The following NAT10 variants were observed in gnomAD, a reference collection of about 807,000 sequenced individuals.
NAT10 encodes the protein RNA cytidine acetyltransferase.
NAT10 carries 109 observed loss-of-function variants against 132.2 expected under a neutral mutation model. The ratio of observed to expected loss-of-function variants is 0.82; its 90% CI spans 0.71 to 0.97. The LOEUF (loss-of-function observed/expected upper bound fraction) is 0.97, where lower values mean the gene tolerates loss of function less well. Among genes scored for constraint, NAT10 ranks in the 50% least tolerant of loss-of-function variants. The probability of loss-of-function intolerance (pLI) is 0.00; values close to 1 mark genes in which losing one functional copy is unlikely to be tolerated. For synonymous variants in NAT10, 479 were observed against 478.0 expected (o/e 1.00, Z -0.03); for missense variants, 1,184 against 1,263.4 (o/e 0.94, Z 0.95).
intron 8 of NAT10, among the ~76,000 whole-genome samples, chr11:34,121,302 G>T (rs1345533031): frequency 6.6e-6 from 1 of 152,130 alleles, no homozygotes; most frequent in African/African-American, 2.4e-5. Context: ...GGATAGGGTG[G>T]TGGCTTTGAG....
rs755163296 is a variant in NAT10 at position 34,139,291 on chromosome 11, A to G, written c.2308+4A>G. 1 of 1,613,508 alleles carries G rather than the reference A, an allele frequency of 6.2e-7. No individual in the cohort carries two copies. The highest frequency in any genetic ancestry group is 1.1e-5 in the South Asian group (1 of 91,062). On this transcript the variant is annotated splice_donor_region_variant and intron_variant, in intron 22 of 28. Transcript: ENST00000257829. ...TGGCTTGCAGCCTTCTGGAAAGGTGACTGAGGAGTAGGGGTTTGGGGGAGA... is the reference window on the plus strand; with the variant it reads ...TGGCTTGCAGCCTTCTGGAAAGGTGGCTGAGGAGTAGGGGTTTGGGGGAGA...
chr11:34,141,189 T>C lies in NAT10; in HGVS notation c.2693T>C (p.Ile898Thr). The C allele has an allele frequency of 1.2e-6, 2 of 1,614,032 alleles. No homozygotes were observed. Among genetic ancestry groups the C allele is most frequent in the Non-Finnish European group, 1.7e-6 (2 of 1,180,012 alleles). The change falls in exon 25 of 29, where the codon ATC (isoleucine) becomes ACC (threonine). Residue 898 changes from isoleucine to threonine, a missense_variant. Physicochemically the swap from Ile to Thr is moderately conservative, Grantham distance 89. Coordinates refer to ENST00000257829, the MANE Select transcript of NAT10 (RefSeq NM_024662.3). ...SGQLMGLFNRIIRKVVKLFNE... is the reference protein window; with the variant it reads ...SGQLMGLFNRTIRKVVKLFNE... ...CAGTTGATGGGACTTTTCAACCGGA[T>C]CATCCGCAAAGTTGTGAAGGTAACC... is the stretch of plus-strand genomic sequence containing the variant.
At chr11:34,112,453 A>G (rs1056304645) in intron 4 of NAT10, among the ~76,000 whole-genome samples, 6 of 152,270 alleles carry the variant, frequency 3.9e-5, no homozygotes, top group African/African-American at 1.4e-4. Context: ...CCAGAACTGA[A>G]GTGATGAGTT....
rs1440380558 is a variant in NAT10, at chr11:34,134,514, C to T, written c.1839C>T (p.Phe613=). The T allele has an allele frequency of 1.2e-6, 2 of 1,614,030 alleles. No homozygotes were observed. Among genetic ancestry groups the T allele is most frequent in the African/African-American group, 1.3e-5 (1 of 74,902 alleles). ...ACTGGTTTGTGTCTCCCACACAGTT[C>T]CAAGATCCAGACTTTGGTGGTCTGT... ...DLIPWTVSEQ[F]QDPDFGGLSG... Residue 613 remains phenylalanine, a splice_region_variant and synonymous_variant, in exon 18 of 29, where the codon TTC becomes TTT. Coordinates refer to ENST00000257829, the MANE Select transcript of NAT10 (RefSeq NM_024662.3).
chr11:34,131,051 T>C, intron 13 of NAT10, 114 bp downstream of exon 13: 2 of 1,460,242 alleles, frequency 1.4e-6, no homozygotes, highest in South Asian at 1.3e-5. Flanking sequence ...ACCATCAGGC[T>C]GAGAGGTTGA....
At chr11:34,137,414 A>C (rs1377479435) in intron 21 of NAT10, among the ~76,000 whole-genome samples, 2 of 151,960 alleles carry the variant, frequency 1.3e-5, no homozygotes, top group African/African-American at 4.8e-5. Context: ...ATTTGGAGGG[A>C]AGAGTGGGAG....
chr11:34,143,264 T>C (rs145911709), intron 27 of NAT10, among the ~76,000 whole-genome samples, 181 bp from the exon 28 acceptor site: 207 of 152,346 alleles, frequency 1.4e-3, no homozygotes, highest in Middle Eastern at 3.4e-3. Flanking sequence ...AAGCACCATG[T>C]CTCTTGGCCC....
At chr11:34,122,918 G>A (rs996195814) in intron 9 of NAT10, among the ~76,000 whole-genome samples, 3 of 152,256 alleles carry the variant, frequency 2.0e-5, no homozygotes, top group African/African-American at 7.2e-5. Context: ...GAATGTGTAT[G>A]ACCAGCCTTG....
At chr11:34,111,461 G>A (rs931616064) in intron 3 of NAT10, among the ~76,000 whole-genome samples, 3 of 152,238 alleles carry the variant, frequency 2.0e-5, no homozygotes, top group African/African-American at 7.2e-5. Context: ...AAGGTAAGTA[G>A]CAACTGGATA....
chr11:34,134,682 G>A (rs1454716858), intron 18 of NAT10, 96 bp downstream of exon 18: 58 of 1,041,148 alleles, frequency 5.6e-5, no homozygotes, highest in Non-Finnish European at 7.3e-5. Context: ...TCAAGCAGAA[G>A]CAAGTGAAGT....
chr11:34,118,813 C>T (rs953689977), intron 8 of NAT10, among the ~76,000 whole-genome samples: 2 of 152,072 alleles, frequency 1.3e-5, no homozygotes, highest in African/African-American at 2.4e-5. Context: ...GGCATGATCA[C>T]GGCTCACTGT....
chr11:34,111,893 C>G (rs1348327827), intron 3 of NAT10, among the ~76,000 whole-genome samples, 159 bp from the exon 4 acceptor site: 1 of 152,180 alleles, frequency 6.6e-6, no homozygotes, highest in South Asian at 2.1e-4. Flanking sequence ...GCCTCTCATG[C>G]CTCTCCACTG....
chr11:34,124,472 C>T (rs1851951600), intron 11 of NAT10, 72 bp downstream of exon 11: 1 of 1,114,904 alleles, frequency 9.0e-7, no homozygotes, highest in Non-Finnish European at 1.3e-6. Context: ...TAAGATGTTT[C>T]CTGTTATAGA....
At chr11:34,123,692 TTC>T in intron 9 of NAT10, 68 bp from the exon 10 acceptor site, 1 of 1,255,746 alleles carries the variant, frequency 8.0e-7, no homozygotes, top group Admixed American at 1.9e-5. Flanking sequence ...CAAAAATATT[TTC>T]TTTTTTAAAT....
Position 34,141,762 on chromosome 11 carries a change from T to G in NAT10, c.2756T>G (p.Val919Gly). The G allele has an allele frequency of 6.2e-7, 1 of 1,614,116 alleles. No individual in the cohort carries two copies. Among genetic ancestry groups the G allele is most frequent in the South Asian group, 1.1e-5 (1 of 91,074 alleles). ...VQEKAIEEQM[V>G]AAKDVVMEPT... ...GAAAAGGCCATTGAGGAGCAGATGG[T>G]GGCAGCGAAGGATGTGGTCATGGAG... The change falls in exon 26 of 29, where the codon GTG becomes GGG. Residue 919 changes from valine (V) to glycine (G), a missense_variant. Physicochemically the swap from Val to Gly is moderately radical, Grantham distance 109. Coordinates refer to ENST00000257829, the MANE Select transcript of NAT10 (RefSeq NM_024662.3).
chr11:34,117,760 T>A (rs1851808011), intron 6 of NAT10, among the ~76,000 whole-genome samples: 1 of 152,160 alleles, frequency 6.6e-6, no homozygotes, highest in Non-Finnish European at 1.5e-5. Flanking sequence ...TTTTTCCTAG[T>A]GACAAAAGAT....
chr11:34,111,258 C>T (rs748155365), intron 3 of NAT10, among the ~76,000 whole-genome samples: 3 of 152,188 alleles, frequency 2.0e-5, no homozygotes, highest in African/African-American at 7.2e-5. Context: ...TTGTAAGTCA[C>T]GGGCTTAAGG....
rs763840390 is a variant in NAT10 at position 34,134,302 on chromosome 11, T to G, written c.1735-17T>G. Reference sequence around the variant, plus strand: ...AGAGTTGGCCTTTCTGCCTGCACTGTCCTGCTTCCCCCACAGGTGTGCCTT... The same window carrying G: ...AGAGTTGGCCTTTCTGCCTGCACTGGCCTGCTTCCCCCACAGGTGTGCCTT... On this transcript the variant is annotated splice_polypyrimidine_tract_variant and intron_variant, in intron 16 of 28. Transcript: ENST00000257829. 1.7e-5 allele frequency: 28 copies of G among 1,610,546 alleles called. No individual in the cohort carries two copies. Among genetic ancestry groups the G allele is most frequent in the Non-Finnish European group, 1.0e-5 (12 of 1,176,840 alleles).
At chr11:34,108,897 G>A in intron 3 of NAT10, 64 bp downstream of exon 3, 2 of 1,427,488 alleles carry the variant, frequency 1.4e-6, no homozygotes, top group South Asian at 1.2e-5. Context: ...TAAATGCCAG[G>A]AAATGATTCC....
Sources: gnomAD v4.1 joint callset for allele counts (sites outside exome capture counted in the v4.1 genomes callset) on GRCh38, gnomAD v4.1.1 for gene constraint, MANE v1.5 for transcripts, NCBI Gene and HGNC (gene_info 2026-07-23, HGNC 2026-07-21) for gene names.